Variants in EEF1AKMT1 observed in about 807,000 individuals in gnomAD.
EEF1AKMT1 encodes EEF1A lysine methyltransferase 1, also known as N-6 adenine-specific DNA methyltransferase 2 (putative).
A neutral mutation model predicts 21.0 loss-of-function variants in EEF1AKMT1; 18 were observed. That is an observed-to-expected ratio of 0.86 (90% CI 0.59 to 1.27). The LOEUF (loss-of-function observed/expected upper bound fraction) is 1.27, where lower values mean the gene tolerates loss of function less well. EEF1AKMT1 is among the 50% of genes most tolerant of loss of function. The pLI, the probability that EEF1AKMT1 is intolerant of heterozygous loss-of-function variation, is 0.00. For synonymous variants in EEF1AKMT1, 109 were observed against 94.8 expected, an observed-to-expected ratio of 1.15 and a Z score of -0.87; for missense variants, 246 against 258.6, an observed-to-expected ratio of 0.95 and a Z score of 0.33.
At chr13:20,740,807 C>T (rs1165975739) in intron 2 of EEF1AKMT1, among the ~76,000 whole-genome samples, 8 of 150,826 alleles carry the variant, frequency 5.3e-5, no homozygotes, top group African/African-American at 1.9e-4. Context: ...AGTCTCAAAA[C>T]AAAAAAACCA....
intron 3 of EEF1AKMT1, among the ~76,000 whole-genome samples, chr13:20,735,286 G>A (rs1276067046): frequency 1.3e-5 from 2 of 150,866 alleles, no homozygotes; most frequent in African/African-American, 4.9e-5. Flanking sequence ...ATTTTAAGAA[G>A]CAATTCATTC....
chr13:20,739,607 G>C (rs545736377), intron 2 of EEF1AKMT1, among the ~76,000 whole-genome samples: 49 of 152,092 alleles, frequency 3.2e-4, no homozygotes, highest in Non-Finnish European at 6.6e-4. Context: ...GTCCCCACCA[G>C]ATTAGCTAGA....
intron 1 of EEF1AKMT1, among the ~76,000 whole-genome samples, chr13:20,767,446 T>C (rs2059041343): frequency 6.6e-6 from 1 of 152,098 alleles, no homozygotes; most frequent in South Asian, 2.1e-4. Flanking sequence ...ATAATGTCTG[T>C]TTAACTGTGG....
chr13:20,762,056 A>G (rs982132389), intron 1 of EEF1AKMT1, among the ~76,000 whole-genome samples: 1 of 152,092 alleles, frequency 6.6e-6, no homozygotes, highest in Non-Finnish European at 1.5e-5. Flanking sequence ...CCAAGATCAT[A>G]CCACTGTATT....
chr13:20,752,843 GGTTA>G (rs1437381110), intron 2 of EEF1AKMT1, among the ~76,000 whole-genome samples: 1 of 150,290 alleles, frequency 6.7e-6, no homozygotes, highest in East Asian at 1.9e-4. Context: ...TTTTTTTCTT[GGTTA>G]GTCTAGCTAG....
Position 20,738,686 on chromosome 13 carries a change from A to T in EEF1AKMT1, c.145-881T>A, listed in dbSNP as rs117599609. ...CAGGGTACTGATATATGCTACATGG[A>T]TGAGTCTTGGAAACATTACACTGAA... is the stretch of plus-strand genomic sequence containing the variant. On this transcript the variant is annotated intron_variant, in intron 2 of 4. Transcript: ENST00000382758. 6.9e-3 allele frequency among the ~76,000 whole-genome samples: 1,049 copies of T among 152,338 alleles called. 4 individuals carry two copies. Among genetic ancestry groups the T allele is most frequent in the Non-Finnish European group, 0.012 (786 of 68,034 alleles).
chr13:20,734,751 A>G (rs1023398236), intron 3 of EEF1AKMT1, among the ~76,000 whole-genome samples: 4 of 152,042 alleles, frequency 2.6e-5, no homozygotes, highest in African/African-American at 4.8e-5. Flanking sequence ...CTTAGTTCCT[A>G]TGAATACTGA....
intron 2 of EEF1AKMT1, among the ~76,000 whole-genome samples, chr13:20,754,522 A>G (rs948069327): frequency 6.6e-6 from 1 of 152,096 alleles, no homozygotes; most frequent in Non-Finnish European, 1.5e-5. Flanking sequence ...TGGATGTGTT[A>G]ATCTCTTGCT....
At chr13:20,739,362 G>C (rs765514723) in intron 2 of EEF1AKMT1, among the ~76,000 whole-genome samples, 22 of 152,208 alleles carry the variant, frequency 1.4e-4, no homozygotes, top group Non-Finnish European at 2.1e-4. Flanking sequence ...CCGCCGCTAA[G>C]CAGGGGCAGC....
At chr13:20,742,134 T>G (rs145220204) in intron 2 of EEF1AKMT1, among the ~76,000 whole-genome samples, 9 of 152,342 alleles carry the variant, frequency 5.9e-5, no homozygotes, top group African/African-American at 2.2e-4. Context: ...AATATTTTGG[T>G]AGATATTGCC....
At chr13:20,741,773 C>T (rs375490237) in intron 2 of EEF1AKMT1, among the ~76,000 whole-genome samples, 2 of 152,220 alleles carry the variant, frequency 1.3e-5, no homozygotes, top group East Asian at 3.9e-4. Flanking sequence ...TTTTTAAAAA[C>T]ATCTTTACTC....
At chr13:20,751,471 T>C (rs1408662598) in intron 2 of EEF1AKMT1, among the ~76,000 whole-genome samples, 4 of 152,212 alleles carry the variant, frequency 2.6e-5, no homozygotes. Flanking sequence ...TGGCTATAGA[T>C]ATGTGGATTA....
chr13:20,770,331 T>C (rs1374731136), intron 1 of EEF1AKMT1, among the ~76,000 whole-genome samples: 1 of 152,164 alleles, frequency 6.6e-6, no homozygotes, highest in Non-Finnish European at 1.5e-5. Flanking sequence ...TTAATGGGTG[T>C]ACTGTTCAGT....
At chr13:20,769,406 A>G (rs1464308008) in intron 1 of EEF1AKMT1, 1 of 152,228 alleles carries the variant, frequency 6.6e-6, no homozygotes, top group Non-Finnish European at 1.5e-5. Context: ...CCCTCTGGCT[A>G]AAGTGACCTC....
At chr13:20,771,349 T>C (rs994135260) in intron 1 of EEF1AKMT1, among the ~76,000 whole-genome samples, 7 of 152,198 alleles carry the variant, frequency 4.6e-5, no homozygotes, top group Admixed American at 3.9e-4. Context: ...TCGCCTTTCA[T>C]AGCTGTAAAA....
chr13:20,732,221 G>C lies in EEF1AKMT1; in HGVS notation c.228-100C>G. On this transcript the variant is annotated intron_variant, in intron 3 of 4. Coordinates refer to ENST00000382758, the MANE Select transcript of EEF1AKMT1 (RefSeq NM_001318939.2). The stretch of plus-strand genomic sequence containing the variant: ...CAATACATGGGTCCGAGTGCTCAGA[G>C]TTTCTTACAGGAAACAATAATGCAA... 4 of 1,305,444 alleles carry C rather than the reference G, an allele frequency of 3.1e-6. 1 individual carries two copies. In the South Asian group the frequency reaches 4.5e-5, roughly 15 times the overall value. 80.9% of individuals were successfully genotyped at this position (1,305,444 alleles called of 1,614,324 possible). A position where few individuals can be genotyped will look rare whatever the true frequency, so the allele number is the denominator to read the frequency against.
intron 2 of EEF1AKMT1, among the ~76,000 whole-genome samples, chr13:20,746,184 C>T (rs891405555): frequency 1.3e-5 from 2 of 151,794 alleles, no homozygotes; most frequent in African/African-American, 4.8e-5. Flanking sequence ...CAGAGTCTCA[C>T]TCTTGTCACC....
intron 1 of EEF1AKMT1, among the ~76,000 whole-genome samples, chr13:20,772,712 A>C (rs909978360): frequency 6.6e-6 from 1 of 152,198 alleles, no homozygotes; most frequent in Non-Finnish European, 1.5e-5. Flanking sequence ...AAGACTTCAG[A>C]AAGATGGAAC....
intron 2 of EEF1AKMT1, 128 bp from the exon 3 acceptor site, chr13:20,737,933 G>A: frequency 4.1e-6 from 2 of 492,210 alleles, no homozygotes; most frequent in South Asian, 6.1e-5. Context: ...TATACCAGTG[G>A]ACAGATATTT....
Sources: allele counts gnomAD v4.1 joint callset (sites outside exome capture counted in the v4.1 genomes callset), GRCh38; gene constraint gnomAD v4.1.1; transcripts MANE v1.5; gene names NCBI Gene and HGNC (gene_info 2026-07-23, HGNC 2026-07-21).